CDH12: variants seen among roughly 807,000 people sequenced by gnomAD.
The protein encoded by CDH12 is cadherin-12.
A neutral mutation model predicts 74.1 loss-of-function variants in CDH12; 41 were observed. The ratio of observed to expected loss-of-function variants is 0.55; its 90% CI spans 0.43 to 0.72. The LOEUF (loss-of-function observed/expected upper bound fraction) is 0.72, where lower values mean the gene tolerates loss of function less well. Among genes scored for constraint, CDH12 ranks in the 30% least tolerant of loss-of-function variants. The pLI is 0.00. For missense variants in CDH12, 945 were observed against 977.2 expected (o/e 0.97, Z 0.44); for synonymous variants, 399 against 355.0 (o/e 1.12, Z -1.39).
intron 1 of CDH12, among the ~76,000 whole-genome samples, chr5:22,754,159 T>C (rs751472509): frequency 6.6e-6 from 1 of 152,176 alleles, no homozygotes; most frequent in East Asian, 1.9e-4. Flanking sequence ...GAACATCATA[T>C]TATGAAAGAA....
chr5:22,501,051 T>C (rs1402636737), intron 2 of CDH12, among the ~76,000 whole-genome samples: 1 of 151,750 alleles, frequency 6.6e-6, no homozygotes, highest in Non-Finnish European at 1.5e-5. Context: ...CAAAGCAGCA[T>C]GAAATATAAC....
chr5:22,383,689 A>G (rs954110811), intron 3 of CDH12, among the ~76,000 whole-genome samples: 1 of 152,228 alleles, frequency 6.6e-6, no homozygotes, highest in Admixed American at 6.5e-5. Flanking sequence ...ATTCATGTGT[A>G]TATTTCTCTA....
chr5:21,939,238 C>CAA (rs200133363), intron 6 of CDH12, among the ~76,000 whole-genome samples: 107 of 150,290 alleles, frequency 7.1e-4, no homozygotes, highest in African/African-American at 2.4e-3. Flanking sequence ...ATAAAATTAT[C>CAA]AAAAAAAGAC....
At position 22,385,747 on chromosome 5, in the gene CDH12, G is replaced by T. The variant is rs116728724; in HGVS notation, c.-333+19510C>A. ...TTTATAAATAAAAGATGTTTAATTG[G>T]CTCATAATTCCACAGGCTGTACAAG... On this transcript the variant is annotated intron_variant, in intron 3 of 14. Transcript: ENST00000382254. Among the ~76,000 whole-genome samples, 1,504 of 152,118 alleles carry T rather than the reference G, an allele frequency of 9.9e-3. 13 individuals are homozygous for T. The highest frequency in any genetic ancestry group is 0.014 in the Non-Finnish European group (977 of 68,004).
chr5:22,254,414 T>A (rs887321774), intron 3 of CDH12, among the ~76,000 whole-genome samples: 1 of 151,906 alleles, frequency 6.6e-6, no homozygotes, highest in Non-Finnish European at 1.5e-5. Flanking sequence ...TTGAATTACT[T>A]AGGACAAACA....
At chr5:22,258,893 C>T (rs1225439753) in intron 3 of CDH12, among the ~76,000 whole-genome samples, 1 of 152,074 alleles carries the variant, frequency 6.6e-6, no homozygotes, top group African/African-American at 2.4e-5. Context: ...AGAATATCAC[C>T]TAATGATGCA....
chr5:22,225,112 G>A (rs1349265082), intron 3 of CDH12, among the ~76,000 whole-genome samples: 1 of 151,968 alleles, frequency 6.6e-6, no homozygotes, highest in Non-Finnish European at 1.5e-5. Context: ...AAGCCACTCA[G>A]ATAGCTGAAA....
intron 4 of CDH12, among the ~76,000 whole-genome samples, chr5:22,161,113 G>T (rs1328701101): frequency 1.3e-5 from 2 of 152,122 alleles, no homozygotes; most frequent in Non-Finnish European, 2.9e-5. Context: ...CAAGTGTATA[G>T]AATTGAGCTG....
intron 9 of CDH12, among the ~76,000 whole-genome samples, chr5:21,811,592 C>A (rs746432419): frequency 6.6e-6 from 1 of 151,844 alleles, no homozygotes; most frequent in Non-Finnish European, 1.5e-5. Flanking sequence ...AACTCTTATT[C>A]TGTCATTGTA....
chr5:22,296,737 G>T (rs935062140), intron 3 of CDH12, among the ~76,000 whole-genome samples: 3 of 152,058 alleles, frequency 2.0e-5, no homozygotes, highest in Non-Finnish European at 2.9e-5. Flanking sequence ...TGCTTCAAGC[G>T]TGAAGCTGGC....
intron 1 of CDH12, among the ~76,000 whole-genome samples, chr5:22,706,611 A>G (rs1743021430): frequency 6.6e-6 from 1 of 152,080 alleles, no homozygotes; most frequent in African/African-American, 2.4e-5. Context: ...AGTATATAAT[A>G]TTTAACTATT....
intron 4 of CDH12, among the ~76,000 whole-genome samples, chr5:22,188,243 T>C (rs187024551): frequency 1.8e-4 from 28 of 152,004 alleles, no homozygotes; most frequent in Non-Finnish European, 2.8e-4. Context: ...CCTGTGAGAG[T>C]GGATTGTAAT....
At chr5:22,239,759 G>C (rs913714548) in intron 3 of CDH12, among the ~76,000 whole-genome samples, 1 of 152,170 alleles carries the variant, frequency 6.6e-6, no homozygotes, top group African/African-American at 2.4e-5. Context: ...ACTATATCAA[G>C]TAGTGAACTA....
intron 1 of CDH12, among the ~76,000 whole-genome samples, chr5:22,597,180 A>G (rs909112464): frequency 2.0e-5 from 3 of 152,210 alleles, no homozygotes; most frequent in Non-Finnish European, 2.9e-5. Context: ...CCCTCTGTTC[A>G]GCAATACTCT....
intron 7 of CDH12, among the ~76,000 whole-genome samples, chr5:21,847,680 G>A (rs922703181): frequency 6.6e-6 from 1 of 151,986 alleles, no homozygotes; most frequent in African/African-American, 2.4e-5. Context: ...CACTATATGT[G>A]ATTAGAACCT....
chr5:22,717,595 G>A (rs1743646020), intron 1 of CDH12, among the ~76,000 whole-genome samples: 1 of 152,164 alleles, frequency 6.6e-6, no homozygotes, highest in Admixed American at 6.5e-5. Context: ...TGCCAGGCAA[G>A]TTTAGAAGTG....
chr5:22,358,952 T>C (rs1456912871), intron 3 of CDH12, among the ~76,000 whole-genome samples: 1 of 152,022 alleles, frequency 6.6e-6, no homozygotes, highest in Admixed American at 6.6e-5. Context: ...GAAGATATTT[T>C]AAAAACCAGC....
intron 1 of CDH12, among the ~76,000 whole-genome samples, chr5:22,688,098 C>G (rs1483874600): frequency 6.6e-6 from 1 of 151,952 alleles, no homozygotes; most frequent in African/African-American, 2.4e-5. Flanking sequence ...ACTGACAGGA[C>G]TCTTTTCCCC....
intron 1 of CDH12, among the ~76,000 whole-genome samples, chr5:22,702,703 A>G (rs940219300): frequency 6.6e-6 from 1 of 152,070 alleles, no homozygotes; most frequent in South Asian, 2.1e-4. Flanking sequence ...TCTGCACATC[A>G]GAATACAAGC....
Sources: allele counts gnomAD v4.1 joint callset (sites outside exome capture counted in the v4.1 genomes callset), GRCh38; gene constraint gnomAD v4.1.1; transcripts MANE v1.5; gene names NCBI Gene and HGNC (gene_info 2026-07-23, HGNC 2026-07-21).